Variants in SLIT2 observed in about 807,000 individuals in gnomAD.
SLIT2 encodes the protein slit homolog 2 protein.
A neutral mutation model predicts 185.7 loss-of-function variants in SLIT2; 41 were observed. That is an observed-to-expected ratio of 0.22 (90% CI 0.17 to 0.29). SLIT2 has a LOEUF of 0.29. Among genes scored for constraint, SLIT2 ranks in the 10% least tolerant of loss-of-function variants. The probability of loss-of-function intolerance (pLI) is 1.00; values close to 1 mark genes in which losing one functional copy is unlikely to be tolerated. For synonymous variants in SLIT2, 693 were observed against 680.2 expected (o/e 1.02, Z -0.29); for missense variants, 1,571 against 1,909.0 (o/e 0.82, Z 3.30).
At position 20,583,699 on chromosome 4, in the gene SLIT2, C is replaced by T. The variant is rs953560182; in HGVS notation, c.3089-5945C>T. 9.9e-5 allele frequency among the ~76,000 whole-genome samples: 15 copies of T among 152,098 alleles called. 1 individual carries two copies. In the East Asian group the frequency reaches 2.1e-3, roughly 22 times the overall value. ...TGGTGCGCACCTGTAGTCCCAGCTA[C>T]TGGGGAGGCTGAGACAGGAGAATCG... On this transcript the variant is annotated intron_variant, in intron 29 of 36. Transcript: ENST00000504154.
intron 3 of SLIT2, among the ~76,000 whole-genome samples, chr4:20,267,864 A>G (rs1359484908): frequency 1.3e-5 from 2 of 151,952 alleles, no homozygotes; most frequent in Non-Finnish European, 2.9e-5. Context: ...TATATCCAGA[A>G]ACTATACTAT....
chr4:20,607,165 C>A (rs995807629), intron 33 of SLIT2, among the ~76,000 whole-genome samples: 1 of 152,150 alleles, frequency 6.6e-6, no homozygotes, highest in Non-Finnish European at 1.5e-5. Flanking sequence ...ATTTGCACTT[C>A]TCTTAAAAGG....
chr4:20,262,797 G>A (rs1056568977), intron 3 of SLIT2, among the ~76,000 whole-genome samples: 4 of 151,912 alleles, frequency 2.6e-5, no homozygotes, highest in African/African-American at 9.7e-5. Flanking sequence ...GTCATAGAAA[G>A]CTTTAATCCC....
Position 20,282,602 on chromosome 4 carries a change from A to G in SLIT2, c.395+13721A>G, listed in dbSNP as rs180804015. 8.5e-4 allele frequency among the ~76,000 whole-genome samples: 129 copies of G among 152,292 alleles called. 2 individuals carry two copies. Among genetic ancestry groups the G allele is most frequent in the African/African-American group, 3.0e-3 (125 of 41,564 alleles). ...TCAAGAGAAAAGTGTTCTGTGGTCAAATGTGTTGGGAAATAATGAAAGTCA... is the reference window on the plus strand; with the variant it reads ...TCAAGAGAAAAGTGTTCTGTGGTCAGATGTGTTGGGAAATAATGAAAGTCA... On this transcript the variant is annotated intron_variant, in intron 4 of 36. Coordinates refer to ENST00000504154, the MANE Select transcript of SLIT2 (RefSeq NM_004787.4).
At chr4:20,510,262 T>C (rs1046412278) in intron 9 of SLIT2, among the ~76,000 whole-genome samples, 6 of 152,198 alleles carry the variant, frequency 3.9e-5, no homozygotes, top group African/African-American at 1.2e-4. Context: ...GATGGATATG[T>C]AGTACTTAAA....
chr4:20,451,393 C>T (rs1274019728), intron 4 of SLIT2, among the ~76,000 whole-genome samples: 3 of 152,176 alleles, frequency 2.0e-5, no homozygotes, highest in Non-Finnish European at 4.4e-5. Context: ...AAGGATGTCT[C>T]CTTTGTTCCA....
intron 4 of SLIT2, among the ~76,000 whole-genome samples, chr4:20,289,371 C>T (rs1715587249): frequency 6.6e-6 from 1 of 152,034 alleles, no homozygotes; most frequent in Non-Finnish European, 1.5e-5. Flanking sequence ...GCCCAGCTTG[C>T]TTTTTGAGTA....
At chr4:20,417,959 A>G (rs768502370) in intron 4 of SLIT2, among the ~76,000 whole-genome samples, 5 of 152,168 alleles carry the variant, frequency 3.3e-5, no homozygotes, top group Admixed American at 1.3e-4. Flanking sequence ...GCCCATAACT[A>G]TCTTTCACCT....
intron 4 of SLIT2, among the ~76,000 whole-genome samples, chr4:20,342,848 G>A (rs1402999451): frequency 6.8e-6 from 1 of 146,000 alleles, no homozygotes; most frequent in East Asian, 2.1e-4. Context: ...AAGCCTAAAT[G>A]TGTAAGTCAG....
At chr4:20,299,558 C>G (rs1487551015) in intron 4 of SLIT2, among the ~76,000 whole-genome samples, 1 of 151,650 alleles carries the variant, frequency 6.6e-6, no homozygotes, top group African/African-American at 2.4e-5. Context: ...ATTTCTTTTT[C>G]TATAGAGAAA....
At chr4:20,545,845 T>A (rs933972519) in intron 21 of SLIT2, among the ~76,000 whole-genome samples, 186 bp from the exon 22 acceptor site, 1 of 151,762 alleles carries the variant, frequency 6.6e-6, no homozygotes, top group Non-Finnish European at 1.5e-5. Context: ...ACTGGACTCG[T>A]GGACAACTCT....
At chr4:20,321,949 G>A (rs560251559) in intron 4 of SLIT2, among the ~76,000 whole-genome samples, 11 of 152,064 alleles carry the variant, frequency 7.2e-5, no homozygotes, top group African/African-American at 2.4e-4. Flanking sequence ...AGACTCTCTG[G>A]CCCAGACCAG....
chr4:20,443,626 G>T (rs186498967), intron 4 of SLIT2, among the ~76,000 whole-genome samples: 1 of 132,496 alleles, frequency 7.5e-6, no homozygotes, highest in Non-Finnish European at 1.6e-5. Context: ...TTTGGAACTA[G>T]ACCAGGAATG....
At chr4:20,522,918 T>C (rs1188774407) in intron 12 of SLIT2, among the ~76,000 whole-genome samples, 1 of 151,954 alleles carries the variant, frequency 6.6e-6, no homozygotes, top group Non-Finnish European at 1.5e-5. Context: ...GGCATATAGA[T>C]GACAGTCAGC....
intron 5 of SLIT2, among the ~76,000 whole-genome samples, chr4:20,468,024 C>G (rs1272727797): frequency 1.3e-5 from 2 of 152,112 alleles, no homozygotes; most frequent in Non-Finnish European, 2.9e-5. Flanking sequence ...TGTCTGGAAA[C>G]AAGCCATCAT....
chr4:20,300,749 G>T (rs1431827623), intron 4 of SLIT2, among the ~76,000 whole-genome samples: 1 of 151,970 alleles, frequency 6.6e-6, no homozygotes. Context: ...AATTTCAAGA[G>T]CAATAAATCT....
intron 35 of SLIT2, 115 bp from the exon 36 acceptor site, chr4:20,617,324 A>T: frequency 7.5e-7 from 1 of 1,337,620 alleles, no homozygotes. Flanking sequence ...TTCGTTAGGC[A>T]TTAGCACTCT....
In SLIT2 at chr4:20,307,404, A is replaced by G. The variant is rs34779129; in HGVS notation, c.395+38523A>G. ...CAGCCTCCCACGTGGCTGACACTGC[A>G]GGAGCACACCACCACACTCGGATAA... On this transcript the variant is annotated intron_variant, in intron 4 of 36. Transcript: ENST00000504154. Among the ~76,000 whole-genome samples the G allele has an allele frequency of 2.6e-3, 388 of 151,648 alleles. 2 individuals are homozygous for G. The highest frequency in any genetic ancestry group is 4.3e-3 in the Non-Finnish European group (289 of 67,926).
intron 11 of SLIT2, among the ~76,000 whole-genome samples, chr4:20,517,689 A>G (rs368501826): frequency 6.6e-6 from 1 of 152,280 alleles, no homozygotes; most frequent in East Asian, 1.9e-4. Context: ...ACACTATAAT[A>G]GCACCCGGCT....
Sources: gnomAD v4.1 joint callset for allele counts (sites outside exome capture counted in the v4.1 genomes callset) on GRCh38, gnomAD v4.1.1 for gene constraint, MANE v1.5 for transcripts, NCBI Gene and HGNC (gene_info 2026-07-23, HGNC 2026-07-21) for gene names.